Variants in DPP6 observed in about 807,000 individuals in gnomAD.
The protein encoded by DPP6 is dipeptidyl peptidase like 6.
In DPP6, 69 loss-of-function variants were observed where a neutral mutation model predicts 122.6. That is an observed-to-expected ratio of 0.56 (90% confidence interval 0.46 to 0.69). DPP6 has a LOEUF of 0.69. Ranked by LOEUF, DPP6 falls within the 30% of genes least tolerant of loss-of-function variation. DPP6 has a pLI of 0.00. For synonymous variants in DPP6, 418 were observed against 433.1 expected (o/e 0.97, Z 0.43); for missense variants, 928 against 1,116.9 (o/e 0.83, Z 2.41).
chr7:153,898,310 G>A (rs561995518), intron 1 of DPP6, among the ~76,000 whole-genome samples: 44 of 152,228 alleles, frequency 2.9e-4, no homozygotes, highest in Non-Finnish European at 5.4e-4. Context: ...AAATATGCCA[G>A]GCTTGGTGGC....
At chr7:154,439,919 C>A (rs146195884) in intron 1 of DPP6, among the ~76,000 whole-genome samples, 29 of 152,212 alleles carry the variant, frequency 1.9e-4, no homozygotes, top group Middle Eastern at 3.4e-3. Context: ...GAGGCGCATA[C>A]GGAAAGGGTG....
At chr7:154,198,407 G>A (rs1335677308) in intron 1 of DPP6, among the ~76,000 whole-genome samples, 2 of 152,040 alleles carry the variant, frequency 1.3e-5, no homozygotes, top group African/African-American at 4.8e-5. Context: ...CACCTCCTGG[G>A]TTCAAGTGAT....
In DPP6 at chr7:154,060,734, G is replaced by A. The variant is rs1360192401; in HGVS notation, c.243+7671G>A. 1.1e-3 allele frequency among the ~76,000 whole-genome samples: 93 copies of A among 82,054 alleles called. 1 individual carries two copies. Among genetic ancestry groups the A allele is most frequent in the African/African-American group, 4.4e-3 (72 of 16,470 alleles). 53.8% of individuals were successfully genotyped at this position (82,054 alleles called of 152,430 possible). A position where few individuals can be genotyped will look rare whatever the true frequency, so the allele number is the denominator to read the frequency against. ...CATCGCAGGGGGGGAGGCACCCCCC[G>A]CGAGGCAGGGACTGAGAGCCAGTCC... is the stretch of plus-strand genomic sequence containing the variant. On this transcript the variant is annotated intron_variant, in intron 1 of 25. Coordinates refer to ENST00000377770, the MANE Select transcript of DPP6 (RefSeq NM_130797.4).
At chr7:154,472,812 T>C (rs1444523812) in intron 2 of DPP6, among the ~76,000 whole-genome samples, 4 of 152,232 alleles carry the variant, frequency 2.6e-5, no homozygotes, top group African/African-American at 9.6e-5. Context: ...CTGGCTTGAA[T>C]GGAGCAATTT....
At chr7:153,830,271 A>C in the DPP6 span, among the ~76,000 whole-genome samples, 1 of 152,206 alleles carries the variant, frequency 6.6e-6, no homozygotes, top group Non-Finnish European at 1.5e-5. Flanking sequence ...CTTAGGAAGA[A>C]ATATGTAACT....
chr7:154,566,427 A>G (rs1291404218), intron 4 of DPP6, among the ~76,000 whole-genome samples: 2 of 152,096 alleles, frequency 1.3e-5, no homozygotes, highest in East Asian at 3.9e-4. Flanking sequence ...GTCTACAGGC[A>G]TGCACTACCA....
intron 1 of DPP6, among the ~76,000 whole-genome samples, chr7:154,316,115 T>C (rs1034337663): frequency 1.3e-5 from 2 of 152,176 alleles, no homozygotes. Context: ...TTGAACAAAG[T>C]AATCAAATTT....
intron 10 of DPP6, among the ~76,000 whole-genome samples, chr7:154,775,895 G>A (rs1055261582): frequency 6.6e-6 from 1 of 152,064 alleles, no homozygotes; most frequent in East Asian, 1.9e-4. Context: ...CCCCATCATG[G>A]TCCAGGGCAA....
At chr7:154,874,255 C>G (rs897103322) in intron 19 of DPP6, among the ~76,000 whole-genome samples, 1 of 152,236 alleles carries the variant, frequency 6.6e-6, no homozygotes, top group Non-Finnish European at 1.5e-5. Flanking sequence ...ACACTGGTTT[C>G]TTCAGTGATC....
chr7:154,028,884 C>T (rs926997588), intron 1 of DPP6, among the ~76,000 whole-genome samples: 6 of 152,124 alleles, frequency 3.9e-5, no homozygotes, highest in African/African-American at 1.2e-4. Flanking sequence ...TGGAGTTTGG[C>T]AGACCTGAAA....
chr7:154,434,685 C>T (rs1047866594), intron 1 of DPP6, among the ~76,000 whole-genome samples: 6 of 152,144 alleles, frequency 3.9e-5, no homozygotes, highest in African/African-American at 1.4e-4. Context: ...TAACCCATCA[C>T]AGAAATGACT....
intron 1 of DPP6, among the ~76,000 whole-genome samples, chr7:154,193,754 C>T (rs1464996343): frequency 1.3e-5 from 2 of 151,956 alleles, no homozygotes; most frequent in African/African-American, 2.4e-5. Context: ...AGAGATTCCT[C>T]ACTTTAGTAG....
rs1159365847 is a variant in DPP6 at position 154,057,462 on chromosome 7, G to C, written c.243+4399G>C. The C allele has an allele frequency of 3.2e-5, 5 of 156,412 alleles. 1 individual carries two copies. The highest frequency in any genetic ancestry group is 1.3e-4 in the African/African-American group (5 of 39,978). The allele number at this position is 156,412 out of a possible 1,614,324, so 9.7% of individuals were successfully genotyped here. A position where few individuals can be genotyped will look rare whatever the true frequency, so the allele number is the denominator to read the frequency against. On this transcript the variant is annotated intron_variant, in intron 1 of 25. Coordinates refer to ENST00000377770, the MANE Select transcript of DPP6 (RefSeq NM_130797.4). The stretch of plus-strand genomic sequence containing the variant: ...AGGACTGTGGGTATGAGGTGTTCAA[G>C]AAGAAAGCTCAAATCTTCCGACGGC...
chr7:154,720,817 C>A (rs1474914781), intron 7 of DPP6, among the ~76,000 whole-genome samples: 2 of 152,232 alleles, frequency 1.3e-5, no homozygotes, highest in African/African-American at 4.8e-5. Context: ...CTGACAGGGT[C>A]CTTGACTGAT....
chr7:154,046,109 C>G (rs1329148969), intron 1 of DPP6, among the ~76,000 whole-genome samples: 1 of 152,226 alleles, frequency 6.6e-6, no homozygotes, highest in Admixed American at 6.5e-5. Flanking sequence ...CTAAGAGACT[C>G]TGCTTTGTGC....
At chr7:154,219,957 T>A (rs1013481701) in intron 1 of DPP6, among the ~76,000 whole-genome samples, 1 of 152,200 alleles carries the variant, frequency 6.6e-6, no homozygotes, top group Non-Finnish European at 1.5e-5. Context: ...TGCCGAGAAT[T>A]GTGGTGGCTG....
intron 1 of DPP6, among the ~76,000 whole-genome samples, chr7:153,911,836 T>TA (rs1800104312): frequency 2.6e-5 from 4 of 151,800 alleles, no homozygotes; most frequent in South Asian, 4.2e-4. Flanking sequence ...ATTGTCCTGT[T>TA]ACATCTTTTT....
chr7:154,561,678 A>G (rs1452350728), intron 4 of DPP6, among the ~76,000 whole-genome samples: 1 of 152,196 alleles, frequency 6.6e-6, no homozygotes, highest in Non-Finnish European at 1.5e-5. Context: ...CCAAGTACAC[A>G]GAAGAATAGT....
intron 1 of DPP6, among the ~76,000 whole-genome samples, chr7:153,921,591 A>G (rs948760063): frequency 6.6e-6 from 1 of 152,232 alleles, no homozygotes; most frequent in Non-Finnish European, 1.5e-5. Flanking sequence ...CCACAGTGCC[A>G]CTGTAAAGAG....
Sources: gnomAD v4.1 joint callset for allele counts (sites outside exome capture counted in the v4.1 genomes callset) on GRCh38, gnomAD v4.1.1 for gene constraint, MANE v1.5 for transcripts, NCBI Gene and HGNC (gene_info 2026-07-23, HGNC 2026-07-21) for gene names.